The following MBTPS1 variants were observed in gnomAD, a reference collection of about 807,000 sequenced individuals.
MBTPS1 encodes the protein membrane bound transcription factor peptidase, site 1, also known as membrane-bound transcription factor site-1 protease.
In MBTPS1, 94 loss-of-function variants were observed where a neutral mutation model predicts 127.8. The observed-to-expected ratio is 0.74, with a 90% CI of 0.62 to 0.87. The LOEUF is 0.87. Among genes scored for constraint, MBTPS1 ranks in the 40% least tolerant of loss-of-function variants. The pLI is 0.00. For synonymous variants in MBTPS1, 632 were observed against 509.4 expected, an observed-to-expected ratio of 1.24 and a Z score of -3.24; for missense variants, 1,636 against 1,353.2, an observed-to-expected ratio of 1.21 and a Z score of -3.28.
At chr16:84,072,179 CTG>C (rs2085779996) in intron 12 of MBTPS1, 5 of 152,266 alleles carry the variant, frequency 3.3e-5, no homozygotes, top group African/African-American at 9.7e-5. Context: ...CGTGGACAAA[CTG>C]TGAAAACCTG....
At chr16:84,060,612 A>T in intron 20 of MBTPS1, 70 bp downstream of exon 20, 1 of 1,553,846 alleles carries the variant, frequency 6.4e-7, no homozygotes, top group Non-Finnish European at 8.8e-7. Context: ...AGGCACAGCC[A>T]CTGGCTGAAG....
At chr16:84,095,505 A>G in intron 4 of MBTPS1, 97 bp downstream of exon 4, 1 of 1,325,392 alleles carries the variant, frequency 7.5e-7, no homozygotes, top group South Asian at 1.3e-5. Context: ...AGTCCCGAAC[A>G]TGGAATTCCT....
intron 1 of MBTPS1, among the ~76,000 whole-genome samples, chr16:84,115,938 C>T (rs558577888): frequency 5.1e-5 from 2 of 38,880 alleles, no homozygotes; most frequent in East Asian, 1.6e-3. Flanking sequence ...GCGGATTCTC[C>T]AGATTGAAAA....
chr16:84,112,103 G>A (rs1400622222), intron 1 of MBTPS1, among the ~76,000 whole-genome samples: 3 of 152,158 alleles, frequency 2.0e-5, no homozygotes, highest in African/African-American at 4.8e-5. Flanking sequence ...TCAGGAGGCT[G>A]AGGCAGGAGA....
chr16:84,116,410 C>A (rs1472847869), intron 1 of MBTPS1, among the ~76,000 whole-genome samples: 10 of 152,226 alleles, frequency 6.6e-5, no homozygotes, highest in Admixed American at 5.9e-4. Flanking sequence ...CCAGCACTGC[C>A]CCGGAAGCGC....
At chr16:84,085,628 T>C (rs891503155) in intron 9 of MBTPS1, among the ~76,000 whole-genome samples, 5 of 119,856 alleles carry the variant, frequency 4.2e-5, no homozygotes, top group South Asian at 2.6e-4. Context: ...ATACAGAAAA[T>C]AAGCTTAAAC....
Position 84,101,777 on chromosome 16 carries a change from G to C in MBTPS1, c.7C>G (p.Leu3Val). Residue 3 changes from leucine (L) to valine (V), a missense_variant, in exon 2 of 23, where the codon CTT becomes GTT. Physicochemically the swap from Leu to Val is conservative, Grantham distance 32 (BLOSUM62 1). Transcript: ENST00000343411. ...AGCAGAAGCAGCCAGATGTTGACAAGCTTCATGGTCACAAGCGAATATGAT... is the reference window on the plus strand; with the variant it reads ...AGCAGAAGCAGCCAGATGTTGACAACCTTCATGGTCACAAGCGAATATGAT... The part of the protein sequence containing the change: MK[L>V]VNIWLLLLVV... The C allele has an allele frequency of 6.2e-7, 1 of 1,611,646 alleles. No homozygotes were observed. Among genetic ancestry groups the C allele is most frequent in the Non-Finnish European group, 8.5e-7 (1 of 1,178,626 alleles).
At chr16:84,078,241 C>G (rs2151154062) in intron 11 of MBTPS1, among the ~76,000 whole-genome samples, 1 of 152,258 alleles carries the variant, frequency 6.6e-6, no homozygotes, top group South Asian at 2.1e-4. Context: ...CGACCCGGAC[C>G]AGCAGTGCCA....
intron 1 of MBTPS1, among the ~76,000 whole-genome samples, 154 bp from the exon 2 acceptor site, chr16:84,102,261 C>G (rs2151169478): frequency 6.6e-6 from 1 of 152,212 alleles, no homozygotes; most frequent in Middle Eastern, 3.4e-3. Context: ...GTGGGAAGAT[C>G]ACTTGAGCCC....
chr16:84,116,456 G>C (rs554553654), intron 1 of MBTPS1, among the ~76,000 whole-genome samples: 9 of 152,368 alleles, frequency 5.9e-5, no homozygotes, highest in Non-Finnish European at 1.0e-4. Flanking sequence ...CTCCGGGCCA[G>C]AGCAGGGCGT....
At position 84,063,290 on chromosome 16, in the gene MBTPS1, C is replaced by A. The variant is rs2085639685; in HGVS notation, c.2572+15G>T. 3.7e-6 allele frequency: 6 copies of A among 1,601,766 alleles called. No individual in the cohort carries two copies. The highest frequency in any genetic ancestry group is 5.1e-6 in the Non-Finnish European group (6 of 1,170,508). On this transcript the variant is annotated intron_variant, in intron 19 of 22. Coordinates refer to ENST00000343411, the MANE Select transcript of MBTPS1 (RefSeq NM_003791.4). Reference sequence around the variant, plus strand: ...TGAGTGCCGAAGTCACAAAGTCCATCTGCGTTTTTCCTACCCTTCTGTCGG... The same window carrying A: ...TGAGTGCCGAAGTCACAAAGTCCATATGCGTTTTTCCTACCCTTCTGTCGG...
chr16:84,056,532 G>A (rs11642469), intron 21 of MBTPS1: 39,742 of 163,052 alleles, frequency 0.24, 5,213 homozygotes, highest in East Asian at 0.35. Flanking sequence ...TCTCCCTAAG[G>A]CCTGGAGCAG....
Position 84,085,644 on chromosome 16 carries a change from T to C in MBTPS1, c.1135-510A>G, listed in dbSNP as rs2086011726. ...TACAGAAAATAAGCTTAAACGATAA[T>C]GTAGAAAGTAAATTTTTAAAAATAT... is the stretch of plus-strand genomic sequence containing the variant. On this transcript the variant is annotated intron_variant, in intron 9 of 22. Coordinates refer to ENST00000343411, the MANE Select transcript of MBTPS1 (RefSeq NM_003791.4). Among the ~76,000 whole-genome samples, 2 of 136,880 alleles carry C rather than the reference T, an allele frequency of 1.5e-5. 1 individual carries two copies. Among genetic ancestry groups the C allele is most frequent in the Admixed American group, 1.6e-4 (2 of 12,436 alleles). 89.8% of individuals were successfully genotyped at this position (136,880 alleles called of 152,430 possible).
intron 21 of MBTPS1, chr16:84,058,078 A>G (rs1484244813): frequency 6.6e-6 from 1 of 152,254 alleles, no homozygotes; most frequent in Admixed American, 6.5e-5. Flanking sequence ...ACTTATCAGA[A>G]ATGTTTAAAT....
In MBTPS1 at chr16:84,082,710, T is replaced by C. The variant is rs143634580; in HGVS notation, c.1287-802A>G. 9.7e-3 allele frequency among the ~76,000 whole-genome samples: 1,475 copies of C among 152,232 alleles called. 11 individuals carry two copies. The highest frequency in any genetic ancestry group is 0.013 in the Non-Finnish European group (888 of 68,004). ...TATGTGATGATGTTTGGTGTTGGAG[T>C]CTAGGCAGGTTTTCTAAATGGGAAA... On this transcript the variant is annotated intron_variant, in intron 10 of 22. Coordinates refer to ENST00000343411, the MANE Select transcript of MBTPS1 (RefSeq NM_003791.4).
intron 22 of MBTPS1, among the ~76,000 whole-genome samples, chr16:84,055,775 G>C (rs1309881786): frequency 1.3e-5 from 2 of 152,356 alleles, no homozygotes; most frequent in East Asian, 3.9e-4. Flanking sequence ...AAATTCAAAT[G>C]TGAAAATCTA....
intron 21 of MBTPS1, 40 bp downstream of exon 21, chr16:84,059,262 G>C: frequency 6.3e-7 from 1 of 1,584,760 alleles, no homozygotes; most frequent in Non-Finnish European, 8.6e-7. Context: ...TGACTCACAA[G>C]CCCCGTGGAA....
chr16:84,080,318 T>C (rs2085921753), intron 11 of MBTPS1, among the ~76,000 whole-genome samples: 1 of 152,228 alleles, frequency 6.6e-6, no homozygotes. Context: ...AATCATCACG[T>C]GTCAAAGTTG....
chr16:84,070,055 G>A lies in MBTPS1; in HGVS notation c.1783-17C>T. ...ATTTTTTGACTAAAAAAAAAGAAAAGAAACTTGAAACGCCCTCATTGTGCA... is the reference window on the plus strand; with the variant it reads ...ATTTTTTGACTAAAAAAAAAGAAAAAAAACTTGAAACGCCCTCATTGTGCA... On this transcript the variant is annotated splice_polypyrimidine_tract_variant and intron_variant, in intron 13 of 22. Transcript: ENST00000343411. 1 of 1,551,878 alleles carries A rather than the reference G, an allele frequency of 6.4e-7. No individual in the cohort carries two copies. Among genetic ancestry groups the A allele is most frequent in the Non-Finnish European group, 8.7e-7 (1 of 1,155,560 alleles).
Sources: gnomAD v4.1 joint callset for allele counts (sites outside exome capture counted in the v4.1 genomes callset) on GRCh38, gnomAD v4.1.1 for gene constraint, MANE v1.5 for transcripts, NCBI Gene and HGNC (gene_info 2026-07-23, HGNC 2026-07-21) for gene names.